Variants in FADS2 observed in about 807,000 individuals in gnomAD.
The protein encoded by FADS2 is fatty acid desaturase 2.
In FADS2, 18 loss-of-function variants were observed where a neutral mutation model predicts 61.2. The ratio of observed to expected loss-of-function variants is 0.29; its 90% confidence interval spans 0.20 to 0.44. FADS2 has a LOEUF of 0.44. Among genes scored for constraint, FADS2 ranks in the 20% least tolerant of loss-of-function variants. FADS2 has a pLI of 1.00. For missense variants in FADS2, 322 were observed against 572.7 expected (o/e 0.56, Z 4.47); for synonymous variants, 203 against 223.9 (o/e 0.91, Z 0.83).
chr11:61,824,492 A>AGAGAG (rs1565325428), upstream of FADS2, among the ~76,000 whole-genome samples: 4 of 11,628 alleles, frequency 3.4e-4, 1 homozygote, highest in African/African-American at 6.1e-4. Context: ...GAGAGAGAGA[A>AGAGAG]AGAAAGAAAG....
intron 6 of FADS2, 152 bp from the exon 7 acceptor site, chr11:61,857,302 C>T (rs1229079019): frequency 7.8e-6 from 6 of 772,590 alleles, no homozygotes; most frequent in Non-Finnish European, 1.3e-5. Context: ...CAAGGGCTCC[C>T]AGCCTTCTCT....
chr11:61,857,707 G>C (rs1345632482), intron 7 of FADS2, among the ~76,000 whole-genome samples, 177 bp downstream of exon 7: 1 of 152,128 alleles, frequency 6.6e-6, no homozygotes, highest in Non-Finnish European at 1.5e-5. Context: ...CCAGGACCTA[G>C]TCCTAAAGAT....
In FADS2 at chr11:61,866,221, T is replaced by C. The variant is rs547650087; in HGVS notation, c.*532T>C. Reference sequence around the variant, plus strand: ...CCCTTTCATAGAGAGGCCTGCTTTGTTACAAAGCTCGGGTCTCCCTCCTGC... The same window carrying C: ...CCCTTTCATAGAGAGGCCTGCTTTGCTACAAAGCTCGGGTCTCCCTCCTGC... On this transcript the variant is annotated 3_prime_UTR_variant, in exon 12 of 12. Coordinates refer to ENST00000278840, the MANE Select transcript of FADS2 (RefSeq NM_004265.4). 1 of 391,072 alleles carries C rather than the reference T, an allele frequency of 2.6e-6. No homozygotes were observed. Among genetic ancestry groups the C allele is most frequent in the South Asian group, 1.4e-4 (1 of 6,968 alleles). 24.2% of individuals were successfully genotyped at this position (391,072 alleles called of 1,614,324 possible). A position where few individuals can be genotyped will look rare whatever the true frequency, so the allele number is the denominator to read the frequency against.
At chr11:61,838,484 G>C (rs2067193147) in intron 2 of FADS2, among the ~76,000 whole-genome samples, 1 of 152,036 alleles carries the variant, frequency 6.6e-6, no homozygotes, top group Non-Finnish European at 1.5e-5. Flanking sequence ...TACAAGGAGA[G>C]GAGTGGTACC....
chr11:61,840,843 G>A (rs1200658431), intron 4 of FADS2, 118 bp downstream of exon 4: 1 of 772,460 alleles, frequency 1.3e-6, no homozygotes, highest in Non-Finnish European at 2.2e-6. Flanking sequence ...GTGTGCCTAT[G>A]CTGAGGGCCA....
Position 61,863,253 on chromosome 11 carries a change from C to T in FADS2, c.981-29C>T, listed in dbSNP as rs374800064. The stretch of plus-strand genomic sequence containing the variant: ...CCCACTGTGGCTGGGCCCCCGGAGG[C>T]CCCTGCGCTGAGCTGTGTTCTCTTG... On this transcript the variant is annotated intron_variant, in intron 8 of 11. Transcript: ENST00000278840. The T allele has an allele frequency of 3.8e-5, 60 of 1,575,260 alleles. No homozygotes were observed. In the African/African-American group the frequency reaches 7.0e-4, roughly 18 times the overall value.
chr11:61,833,221 C>G (rs894665503), intron 1 of FADS2, among the ~76,000 whole-genome samples: 1 of 152,196 alleles, frequency 6.6e-6, no homozygotes, highest in Non-Finnish European at 1.5e-5. Context: ...CCCCATGTCC[C>G]GGGTCCTCTT....
At chr11:61,861,621 C>T (rs2067417482) in intron 7 of FADS2, among the ~76,000 whole-genome samples, 1 of 152,234 alleles carries the variant, frequency 6.6e-6, no homozygotes, top group African/African-American at 2.4e-5. Context: ...CTGCCTCCCT[C>T]CTCACCTTGA....
upstream of FADS2, chr11:61,827,549 A>G (rs1655819870): frequency 6.6e-6 from 1 of 152,266 alleles, no homozygotes; most frequent in African/African-American, 2.4e-5. The surrounding 1 kb of genome is among the most constrained non-coding windows in gnomAD (Gnocchi z 4.5). Context: ...TGGCGCGGAC[A>G]ATGTGGGATA....
At chr11:61,853,239 TTCTTTCTC>T (rs1374267699) in intron 5 of FADS2, among the ~76,000 whole-genome samples, 2 of 118,128 alleles carry the variant, frequency 1.7e-5, no homozygotes, top group Middle Eastern at 4.0e-3. Flanking sequence ...TTCTCTTTCT[TTCTTTCTC>T]TCTCTCTTTC....
At chr11:61,844,817 C>T (rs1271480168) in intron 4 of FADS2, among the ~76,000 whole-genome samples, 2 of 149,238 alleles carry the variant, frequency 1.3e-5, no homozygotes, top group Admixed American at 6.7e-5. Context: ...CCCAGCTGCT[C>T]GGGAGGCTGA....
At chr11:61,824,311 G>T (rs1292383671), upstream of FADS2, among the ~76,000 whole-genome samples, 5 of 150,860 alleles carry the variant, frequency 3.3e-5, no homozygotes, top group East Asian at 9.8e-4. Context: ...GAACCCGGGA[G>T]GCAGAGGTTG....
chr11:61,829,970 C>T (rs983835177), intron 1 of FADS2, among the ~76,000 whole-genome samples: 1 of 152,178 alleles, frequency 6.6e-6, no homozygotes, highest in African/African-American at 2.4e-5. Context: ...ACTGAAATTC[C>T]CTACAGCTTT....
upstream of FADS2, chr11:61,826,269 T>G (rs942508219): frequency 2.8e-6 from 2 of 702,536 alleles, no homozygotes; most frequent in Non-Finnish European, 2.6e-6. Context: ...ACACATGTTT[T>G]TATGTTTTTT....
At chr11:61,819,789 A>G (rs945814059) in intron 1 of FADS2, among the ~76,000 whole-genome samples, 2 of 152,112 alleles carry the variant, frequency 1.3e-5, no homozygotes, top group African/African-American at 4.8e-5. Context: ...ATATGTATAC[A>G]TGTGCCATGT....
chr11:61,841,208 T>G (rs980079594), intron 4 of FADS2, among the ~76,000 whole-genome samples: 1 of 151,730 alleles, frequency 6.6e-6, no homozygotes, highest in Non-Finnish European at 1.5e-5. Context: ...CTCGCCACCA[T>G]GCCTGACTAA....
rs754105867 is a variant in FADS2 at position 61,857,435 on chromosome 11, G to A, written c.806-19G>A. ...CAGGGTGGAATGGATGCCTCTAAGCGCCTGTCTCTCTCCTGCAGTTGGGCC... is the reference window on the plus strand; with the variant it reads ...CAGGGTGGAATGGATGCCTCTAAGCACCTGTCTCTCTCCTGCAGTTGGGCC... On this transcript the variant is annotated intron_variant, in intron 6 of 11. Coordinates refer to ENST00000278840, the MANE Select transcript of FADS2 (RefSeq NM_004265.4). The A allele has an allele frequency of 2.5e-5, 41 of 1,611,528 alleles. No individual in the cohort carries two copies. The highest frequency in any genetic ancestry group is 2.1e-4 in the African/African-American group (16 of 75,014).
chr11:61,863,690 A>G lies in FADS2; in HGVS notation c.1078-17A>G, dbSNP rs2067436737. 6.2e-7 allele frequency: 1 copy of G among 1,610,954 alleles called. No individual in the cohort carries two copies. Among genetic ancestry groups the G allele is most frequent in the Admixed American group, 1.7e-5 (1 of 60,008 alleles). Reference sequence around the variant, plus strand: ...GGCCTTCCTTTGTTCCCTGACACTCATCCCCTCCACTGACAGCTGACAGCC... The same window carrying G: ...GGCCTTCCTTTGTTCCCTGACACTCGTCCCCTCCACTGACAGCTGACAGCC... On this transcript the variant is annotated splice_polypyrimidine_tract_variant and intron_variant, in intron 9 of 11. Transcript: ENST00000278840.
intron 4 of FADS2, among the ~76,000 whole-genome samples, chr11:61,841,055 AT>A (rs200202925): frequency 3.7e-3 from 520 of 141,284 alleles, no homozygotes; most frequent in Middle Eastern, 3.7e-3. Flanking sequence ...AAGTAGCAGT[AT>A]TTTTTTTTTT....
Sources: gnomAD v4.1 joint callset for allele counts (sites outside exome capture counted in the v4.1 genomes callset) on GRCh38, gnomAD v4.1.1 for gene constraint, Gnocchi (gnomAD v3.1) non-coding constraint, MANE v1.5 for transcripts, NCBI Gene and HGNC (gene_info 2026-07-23, HGNC 2026-07-21) for gene names.